The following ARID5B variants were observed in gnomAD, a reference collection of about 807,000 sequenced individuals.
The protein encoded by ARID5B is AT-rich interaction domain 5B.
A neutral mutation model predicts 97.2 loss-of-function variants in ARID5B; 13 were observed. The ratio of observed to expected loss-of-function variants is 0.13; its 90% CI spans 0.09 to 0.21. The LOEUF (loss-of-function observed/expected upper bound fraction) is 0.21, where lower values mean the gene tolerates loss of function less well. ARID5B is among the 10% of genes least tolerant of loss of function. The pLI is 1.00. For missense variants in ARID5B, 1,210 were observed against 1,465.3 expected (o/e 0.83, Z 2.84); for synonymous variants, 556 against 570.3 (o/e 0.97, Z 0.36).
chr10:62,009,899 A>T (rs1332997961), intron 4 of ARID5B, among the ~76,000 whole-genome samples: 1 of 152,212 alleles, frequency 6.6e-6, no homozygotes, highest in Non-Finnish European at 1.5e-5. Context: ...AAAAAGGAGG[A>T]AGTTATTTCA....
intron 3 of ARID5B, among the ~76,000 whole-genome samples, chr10:61,954,169 C>A (rs1838360038): frequency 6.6e-6 from 1 of 151,900 alleles, no homozygotes; most frequent in African/African-American, 2.4e-5. Flanking sequence ...ACCAGCCTGA[C>A]CAACATGGAG....
At chr10:61,972,777 C>T (rs565555448) in intron 3 of ARID5B, among the ~76,000 whole-genome samples, 30 of 152,216 alleles carry the variant, frequency 2.0e-4, no homozygotes, top group Non-Finnish European at 5.9e-5. Flanking sequence ...TGGAGCTTGT[C>T]AGATCAAAGT....
At chr10:61,978,131 C>G (rs1229479312) in intron 3 of ARID5B, among the ~76,000 whole-genome samples, 1 of 152,092 alleles carries the variant, frequency 6.6e-6, no homozygotes, top group Non-Finnish European at 1.5e-5. Context: ...TTTCCCCATT[C>G]CTTGTTTTTG....
At chr10:62,086,241 A>G (rs549496644) in intron 9 of ARID5B, among the ~76,000 whole-genome samples, 1 of 152,354 alleles carries the variant, frequency 6.6e-6, no homozygotes, top group African/African-American at 2.4e-5. Flanking sequence ...CTGTGAAAAC[A>G]TGGCTTCTTG....
At chr10:62,054,411 G>C (rs1028230650) in intron 5 of ARID5B, among the ~76,000 whole-genome samples, 1 of 151,932 alleles carries the variant, frequency 6.6e-6, no homozygotes, top group Non-Finnish European at 1.5e-5. Flanking sequence ...AAAATATCAA[G>C]CTAGAACAAG....
chr10:61,922,421 G>A (rs930150297), intron 2 of ARID5B, among the ~76,000 whole-genome samples: 1 of 152,228 alleles, frequency 6.6e-6, no homozygotes, highest in African/African-American at 2.4e-5. Flanking sequence ...TGGCCAACAT[G>A]ATGAAACCCT....
chr10:62,033,299 G>GTGCAC (rs1359742498), intron 4 of ARID5B, among the ~76,000 whole-genome samples: 1 of 152,102 alleles, frequency 6.6e-6, no homozygotes, highest in African/African-American at 2.4e-5. Context: ...ACTCTCTCGC[G>GTGCAC]TGCACTGTCT....
chr10:61,964,444 T>G (rs181990661), intron 3 of ARID5B, among the ~76,000 whole-genome samples: 2 of 152,220 alleles, frequency 1.3e-5, no homozygotes, highest in African/African-American at 4.8e-5. Flanking sequence ...TGTAGCTTAC[T>G]GAAATCCCAC....
intron 4 of ARID5B, among the ~76,000 whole-genome samples, chr10:62,008,061 AACACACACACAC>A (rs369982502): frequency 6.5e-4 from 43 of 66,612 alleles, no homozygotes; most frequent in South Asian, 2.3e-3. Context: ...CCCGCCCCAC[AACACACACACAC>A]ACACACACAC....
At chr10:62,042,783 C>T (rs555839789) in intron 4 of ARID5B, among the ~76,000 whole-genome samples, 26 of 151,930 alleles carry the variant, frequency 1.7e-4, no homozygotes, top group Non-Finnish European at 3.1e-4. Context: ...GGCTTGGTGG[C>T]GGGCGCCTGT....
chr10:62,053,550 G>A (rs779064986), intron 5 of ARID5B, among the ~76,000 whole-genome samples: 7 of 152,156 alleles, frequency 4.6e-5, no homozygotes, highest in Non-Finnish European at 1.0e-4. Context: ...CCCAAATCCT[G>A]CCATTTTTTT....
At chr10:62,056,816 C>T (rs1233204117) in intron 5 of ARID5B, among the ~76,000 whole-genome samples, 3 of 152,068 alleles carry the variant, frequency 2.0e-5, no homozygotes, top group Admixed American at 6.6e-5. Flanking sequence ...ACAGCCACAC[C>T]CATTTGTTAA....
intron 4 of ARID5B, among the ~76,000 whole-genome samples, chr10:62,013,015 A>G (rs7907654): frequency 0.04 from 6,120 of 152,270 alleles, 428 homozygotes; most frequent in African/African-American, 0.14. Context: ...GGAATCTCTT[A>G]TTGCCAAGAT....
chr10:62,056,277 C>G (rs1248795284), intron 5 of ARID5B, among the ~76,000 whole-genome samples: 2 of 152,130 alleles, frequency 1.3e-5, no homozygotes, highest in Non-Finnish European at 2.9e-5. Flanking sequence ...TATACTCACT[C>G]TTCTTGGGTT....
intron 3 of ARID5B, among the ~76,000 whole-genome samples, chr10:61,994,904 T>C (rs1352240263): frequency 1.3e-5 from 2 of 152,222 alleles, no homozygotes; most frequent in East Asian, 3.8e-4. Context: ...TTGGGTCTCT[T>C]ATTCCCTTTG....
chr10:62,042,916 A>C (rs1234690655), intron 4 of ARID5B, among the ~76,000 whole-genome samples: 6 of 8,258 alleles, frequency 7.3e-4, no homozygotes, highest in South Asian at 0.025. Flanking sequence ...GTCTGTCCCA[A>C]AAAAAAAAAA....
intron 4 of ARID5B, among the ~76,000 whole-genome samples, chr10:62,047,985 A>C (rs957010904): frequency 7.2e-5 from 11 of 152,118 alleles, no homozygotes; most frequent in African/African-American, 2.7e-4. Context: ...TGTGCATTGC[A>C]TGTGGGGACT....
intron 7 of ARID5B, among the ~76,000 whole-genome samples, chr10:62,061,390 G>A (rs987812529): frequency 6.6e-6 from 1 of 152,216 alleles, no homozygotes; most frequent in Non-Finnish European, 1.5e-5. Flanking sequence ...GGTAGAATAA[G>A]GTTGGGCATG....
intron 2 of ARID5B, among the ~76,000 whole-genome samples, chr10:61,930,608 T>C (rs1028175263): frequency 6.6e-6 from 1 of 151,840 alleles, no homozygotes; most frequent in Non-Finnish European, 1.5e-5. Context: ...TAGTCCCAGC[T>C]ACTCGGGAGG....
Sources: gnomAD v4.1 joint callset for allele counts (sites outside exome capture counted in the v4.1 genomes callset) on GRCh38, gnomAD v4.1.1 for gene constraint, MANE v1.5 for transcripts, NCBI Gene and HGNC (gene_info 2026-07-23, HGNC 2026-07-21) for gene names.